ANKRD30BL: variants seen among roughly 807,000 people sequenced by gnomAD.
ANKRD30BL encodes ankyrin repeat domain 30B like.
Under a neutral mutation model 18.4 loss-of-function variants are expected in ANKRD30BL, and 20 were observed. The ratio of observed to expected loss-of-function variants is 1.09; its 90% confidence interval spans 0.77 to 1.58. ANKRD30BL has a LOEUF of 1.58. Among genes scored for constraint, ANKRD30BL ranks in the 40% most tolerant of loss-of-function variants. ANKRD30BL has a pLI of 0.00. For missense variants in ANKRD30BL, 224 were observed against 268.6 expected (o/e 0.83, Z 1.16); for synonymous variants, 72 against 100.9 (o/e 0.71, Z 1.72).
intron 1 of ANKRD30BL, among the ~76,000 whole-genome samples, chr2:132,193,686 G>C (rs1678904542): frequency 6.6e-6 from 1 of 152,038 alleles, no homozygotes; most frequent in South Asian, 2.1e-4. Context: ...AATGCAGGGG[G>C]CACCATCTTT....
At chr2:132,233,442 T>C (rs1680074587) in intron 1 of ANKRD30BL, among the ~76,000 whole-genome samples, 1 of 138,768 alleles carries the variant, frequency 7.2e-6, no homozygotes, top group Non-Finnish European at 1.6e-5. Flanking sequence ...AGGAAACCCA[T>C]CTCATGTGCA....
intron 1 of ANKRD30BL, among the ~76,000 whole-genome samples, chr2:132,255,931 C>T (rs35528905): frequency 2.8e-4 from 43 of 152,136 alleles, no homozygotes; most frequent in Non-Finnish European, 5.0e-4. Flanking sequence ...CCCGACCCCC[C>T]GGCCGGGGAC....
intron 1 of ANKRD30BL, among the ~76,000 whole-genome samples, chr2:132,192,372 C>G (rs943507111): frequency 1.3e-4 from 20 of 152,202 alleles, no homozygotes; most frequent in Admixed American, 1.2e-3. Flanking sequence ...GCACACATGG[C>G]AATTCTCAGT....
chr2:132,237,414 A>G (rs1280847571), intron 1 of ANKRD30BL, among the ~76,000 whole-genome samples: 1 of 152,012 alleles, frequency 6.6e-6, no homozygotes, highest in Admixed American at 6.6e-5. Context: ...ATATTAGGGC[A>G]GCATTGAGGA....
At chr2:132,234,609 C>G (rs934256063) in intron 1 of ANKRD30BL, among the ~76,000 whole-genome samples, 6 of 152,256 alleles carry the variant, frequency 3.9e-5, no homozygotes, top group East Asian at 1.9e-4. Flanking sequence ...AATCCCTTGA[C>G]ACATACACTC....
chr2:132,162,579 C>T (rs918264139), upstream of ANKRD30BL, among the ~76,000 whole-genome samples: 1 of 152,164 alleles, frequency 6.6e-6, no homozygotes, highest in African/African-American at 2.4e-5. Context: ...GGCGCAGTGG[C>T]GGTGTCCGAC....
At chr2:132,256,684 C>G (rs77918988) in intron 1 of ANKRD30BL, among the ~76,000 whole-genome samples, 1 of 152,242 alleles carries the variant, frequency 6.6e-6, no homozygotes, top group Admixed American at 6.5e-5. Context: ...CACTGCTGGC[C>G]GACCCCAAAC....
At chr2:132,149,944 A>AC (rs1687713832) in intron 5 of ANKRD30BL, among the ~76,000 whole-genome samples, 3 of 152,108 alleles carry the variant, frequency 2.0e-5, no homozygotes, top group Non-Finnish European at 4.4e-5. Flanking sequence ...TAAAATAGAA[A>AC]CTATGGGTTA....
At chr2:132,230,466 G>C (rs1679979213) in intron 1 of ANKRD30BL, among the ~76,000 whole-genome samples, 1 of 152,144 alleles carries the variant, frequency 6.6e-6, no homozygotes, top group South Asian at 2.1e-4. Context: ...GGTTGAAAAG[G>C]AAATATCTTC....
chr2:132,254,691 C>T (rs1004403252), intron 1 of ANKRD30BL, among the ~76,000 whole-genome samples: 3 of 152,212 alleles, frequency 2.0e-5, no homozygotes, highest in Admixed American at 2.0e-4. Context: ...GCGCGTGCAG[C>T]CCTGGACATT....
chr2:132,184,490 A>G (rs1688530349), intron 1 of ANKRD30BL, among the ~76,000 whole-genome samples: 2 of 152,212 alleles, frequency 1.3e-5, no homozygotes, highest in African/African-American at 2.4e-5. Flanking sequence ...TTATATTCAA[A>G]TAATAAACTT....
intron 1 of ANKRD30BL, among the ~76,000 whole-genome samples, chr2:132,241,579 C>T (rs966619917): frequency 6.6e-6 from 1 of 150,932 alleles, no homozygotes; most frequent in African/African-American, 2.4e-5. Context: ...TGAACTCACC[C>T]AGTTGAAGCT....
At chr2:132,214,952 T>A (rs1246907175) in intron 1 of ANKRD30BL, among the ~76,000 whole-genome samples, 1 of 152,144 alleles carries the variant, frequency 6.6e-6, no homozygotes, top group Non-Finnish European at 1.5e-5. Context: ...ACTCTTTTTG[T>A]AGAATCTGCA....
intron 1 of ANKRD30BL, among the ~76,000 whole-genome samples, chr2:132,239,722 C>A (rs182402430): frequency 6.6e-6 from 1 of 151,698 alleles, no homozygotes; most frequent in Non-Finnish European, 1.5e-5. Flanking sequence ...CATTCCCTTT[C>A]AGTGAGCAGT....
chr2:132,216,383 T>G (rs1679498368), intron 1 of ANKRD30BL, among the ~76,000 whole-genome samples: 1 of 152,052 alleles, frequency 6.6e-6, no homozygotes, highest in South Asian at 2.1e-4. Flanking sequence ...AGAAGCATCC[T>G]GAGAAACTTC....
intron 1 of ANKRD30BL, among the ~76,000 whole-genome samples, chr2:132,221,534 G>T (rs1165700111): frequency 8.4e-6 from 1 of 118,766 alleles, no homozygotes; most frequent in African/African-American, 3.9e-5. Context: ...CACCCCGTCC[G>T]GGAGGGAGGT....
chr2:132,217,950 A>G (rs1295389417), intron 1 of ANKRD30BL, among the ~76,000 whole-genome samples: 8 of 151,738 alleles, frequency 5.3e-5, no homozygotes, highest in Non-Finnish European at 1.2e-4. Flanking sequence ...GTATATCTTC[A>G]CATAAACTCT....
At chr2:132,149,316 G>A (rs573058941) in intron 5 of ANKRD30BL, among the ~76,000 whole-genome samples, 4 of 152,170 alleles carry the variant, frequency 2.6e-5, no homozygotes, top group South Asian at 4.2e-4. Context: ...GTAACTTGTT[G>A]TAACAAAATT....
chr2:132,244,777 A>C (rs149987794), intron 1 of ANKRD30BL, among the ~76,000 whole-genome samples: 1 of 117,444 alleles, frequency 8.5e-6, no homozygotes, highest in African/African-American at 2.8e-5. Context: ...AAAACTAGAC[A>C]GAAGCATTCT....
Sources: gnomAD v4.1 joint callset for allele counts (sites outside exome capture counted in the v4.1 genomes callset) on GRCh38, gnomAD v4.1.1 for gene constraint, MANE v1.5 for transcripts, NCBI Gene and HGNC (gene_info 2026-07-23, HGNC 2026-07-21) for gene names.